The following GRIK2 variants were observed in gnomAD, a reference collection of about 807,000 sequenced individuals.
GRIK2 encodes the protein glutamate ionotropic receptor kainate type subunit 2.
Under a neutral mutation model 100.3 loss-of-function variants are expected in GRIK2, and 32 were observed. The ratio of observed to expected loss-of-function variants is 0.32; its 90% CI spans 0.24 to 0.43. GRIK2 has a LOEUF of 0.43. Among genes scored for constraint, GRIK2 ranks in the 20% least tolerant of loss-of-function variants. GRIK2 has a pLI of 1.00. For synonymous variants in GRIK2, 417 were observed against 389.4 expected (o/e 1.07, Z -0.83); for missense variants, 843 against 1,114.9 (o/e 0.76, Z 3.47).
rs560827685 is a variant in GRIK2 at position 101,787,477 on chromosome 6, G to A, written c.952-12171G>A. 7.2e-4 allele frequency among the ~76,000 whole-genome samples: 110 copies of A among 151,826 alleles called. 3 individuals carry two copies. The highest frequency in any genetic ancestry group is 5.6e-4 in the African/African-American group (23 of 41,440). On this transcript the variant is annotated intron_variant, in intron 7 of 16. Coordinates refer to ENST00000369134, the MANE Select transcript of GRIK2 (RefSeq NM_021956.5). ...TCTTAACACTGCTTTTCCTGTATCC[G>A]GTGTGTTTTGATGTGTTGTGTTTCC...
intron 2 of GRIK2, among the ~76,000 whole-genome samples, chr6:101,546,261 T>C (rs1421338564): frequency 6.6e-6 from 1 of 152,178 alleles, no homozygotes; most frequent in East Asian, 1.9e-4. Flanking sequence ...ATCTCAAAAA[T>C]GATTTCAGAA....
chr6:101,452,311 A>G (rs1004918007), intron 2 of GRIK2, among the ~76,000 whole-genome samples: 13 of 151,826 alleles, frequency 8.6e-5, no homozygotes, highest in Non-Finnish European at 1.6e-4. Context: ...ACACTTTAAG[A>G]ATAACTTACC....
chr6:101,875,666 G>GT lies in GRIK2; in HGVS notation c.1525-13968dup, dbSNP rs966924363. Among the ~76,000 whole-genome samples the GT allele has an allele frequency of 3.7e-4, 56 of 151,532 alleles. 1 individual carries two copies. The highest frequency in any genetic ancestry group is 1.5e-4 in the African/African-American group (6 of 41,292). ...TGAATGAGTTTTCTTTTGACTCATT[G>GT]TTTTTTCCCCTCCATTAATTGGAAG... On this transcript the variant is annotated intron_variant, in intron 11 of 16. Coordinates refer to ENST00000369134, the MANE Select transcript of GRIK2 (RefSeq NM_021956.5).
At chr6:101,466,456 T>C (rs1447616521) in intron 2 of GRIK2, among the ~76,000 whole-genome samples, 1 of 152,054 alleles carries the variant, frequency 6.6e-6, no homozygotes, top group East Asian at 1.9e-4. Context: ...GGAGATTCCT[T>C]GTAGCATATA....
intron 2 of GRIK2, among the ~76,000 whole-genome samples, chr6:101,532,790 T>C (rs1775508294): frequency 6.6e-6 from 1 of 151,284 alleles, no homozygotes; most frequent in South Asian, 2.1e-4. Flanking sequence ...ATATGGAAAA[T>C]TGGAAATAAA....
At position 101,686,469 on chromosome 6, in the gene GRIK2, A is replaced by G. The variant is rs890273577; in HGVS notation, c.951+116A>G. 1.4e-5 allele frequency: 10 copies of G among 700,556 alleles called. No individual in the cohort carries two copies. The South Asian group carries it at 2.3e-4, about 16-fold the overall frequency. The allele number at this position is 700,556 out of a possible 1,614,324, so 43.4% of individuals were successfully genotyped here. A position where few individuals can be genotyped will look rare whatever the true frequency, so the allele number is the denominator to read the frequency against. Reference sequence around the variant, plus strand: ...TTCAGTTTAATTGTTTGACATTAAAAGCAAAATATCAGAGCTACAATGCAA... The same window carrying G: ...TTCAGTTTAATTGTTTGACATTAAAGGCAAAATATCAGAGCTACAATGCAA... On this transcript the variant is annotated intron_variant, in intron 7 of 16. Coordinates refer to ENST00000369134, the MANE Select transcript of GRIK2 (RefSeq NM_021956.5).
intron 7 of GRIK2, among the ~76,000 whole-genome samples, chr6:101,743,828 C>T (rs9485537): frequency 0.15 from 22,597 of 151,994 alleles, 1,956 homozygotes; most frequent in South Asian, 0.22. Context: ...TTTTAAAAAA[C>T]GTTAATAGGT....
At chr6:101,453,154 C>T (rs1337124466) in intron 2 of GRIK2, among the ~76,000 whole-genome samples, 1 of 151,824 alleles carries the variant, frequency 6.6e-6, no homozygotes, top group African/African-American at 2.4e-5. Context: ...CTGTATCCTG[C>T]TATTAAGATC....
In GRIK2 at chr6:101,689,802, A is replaced by G. The variant is rs1697459860; in HGVS notation, c.951+3449A>G. Among the ~76,000 whole-genome samples the G allele has an allele frequency of 2.0e-5, 3 of 152,088 alleles. No individual in the cohort carries two copies. In the South Asian group the frequency reaches 6.2e-4, roughly 31 times the overall value. On this transcript the variant is annotated intron_variant, in intron 7 of 16. Transcript: ENST00000369134. Reference sequence around the variant, plus strand: ...ATCCAGTTAGTGCTCTGAACTTCCCAGACATAAACCCCTTATTGTAAAACT... The same window carrying G: ...ATCCAGTTAGTGCTCTGAACTTCCCGGACATAAACCCCTTATTGTAAAACT...
At chr6:101,748,244 T>C (rs992406404) in intron 7 of GRIK2, among the ~76,000 whole-genome samples, 22 of 152,178 alleles carry the variant, frequency 1.4e-4, no homozygotes, top group African/African-American at 4.8e-4. Flanking sequence ...TAGACTAAGA[T>C]GCATTCTCTG....
intron 4 of GRIK2, among the ~76,000 whole-genome samples, chr6:101,656,284 C>T (rs956181176): frequency 4.8e-5 from 6 of 123,888 alleles, no homozygotes; most frequent in Non-Finnish European, 8.3e-5. Flanking sequence ...GCCTGGGTAA[C>T]AAGAGAGAGA....
At position 101,773,340 on chromosome 6, in the gene GRIK2, C is replaced by T. The variant is rs1247544430; in HGVS notation, c.952-26308C>T. Among the ~76,000 whole-genome samples, 19 of 151,810 alleles carry T rather than the reference C, an allele frequency of 1.3e-4. 1 individual carries two copies. The highest frequency in any genetic ancestry group is 1.2e-3 in the Admixed American group (18 of 15,242). On this transcript the variant is annotated intron_variant, in intron 7 of 16. Coordinates refer to ENST00000369134, the MANE Select transcript of GRIK2 (RefSeq NM_021956.5). ...CTAAAAACACAAAAAATTAGCCAGG[C>T]AAGGTGGCACGCGCCTATAGTCTCA...
chr6:101,838,978 C>G (rs1017853028), intron 10 of GRIK2, among the ~76,000 whole-genome samples: 4 of 141,386 alleles, frequency 2.8e-5, no homozygotes, highest in African/African-American at 1.2e-4. Flanking sequence ...TAAAAATAGT[C>G]TGGAATATGC....
At chr6:101,742,868 C>T (rs1776132709) in intron 7 of GRIK2, among the ~76,000 whole-genome samples, 1 of 151,976 alleles carries the variant, frequency 6.6e-6, no homozygotes, top group South Asian at 2.1e-4. Flanking sequence ...CATGCTAGAC[C>T]CCCCACTTCC....
At chr6:101,415,124 A>T (rs1305989994) in intron 2 of GRIK2, among the ~76,000 whole-genome samples, 1 of 152,084 alleles carries the variant, frequency 6.6e-6, no homozygotes, top group African/African-American at 2.4e-5. Flanking sequence ...CACTGTTATC[A>T]TTTTGTTTCT....
At chr6:101,817,099 A>G (rs1045939648) in intron 9 of GRIK2, among the ~76,000 whole-genome samples, 1 of 152,218 alleles carries the variant, frequency 6.6e-6, no homozygotes, top group African/African-American at 2.4e-5. Flanking sequence ...GGACATTGTC[A>G]TAAGCATAGT....
intron 14 of GRIK2, among the ~76,000 whole-genome samples, chr6:102,003,476 A>G (rs577678508): frequency 1.6e-4 from 24 of 151,954 alleles, no homozygotes; most frequent in Middle Eastern, 3.4e-3. Flanking sequence ...ACATACTACA[A>G]TCATTTTAAA....
intron 12 of GRIK2, among the ~76,000 whole-genome samples, chr6:101,924,220 T>A (rs1307964609): frequency 6.6e-6 from 1 of 152,200 alleles, no homozygotes; most frequent in Non-Finnish European, 1.5e-5. Flanking sequence ...TTTAAAATAC[T>A]CTACGGTCTT....
At chr6:101,976,434 T>C (rs903829915) in intron 14 of GRIK2, among the ~76,000 whole-genome samples, 2 of 151,976 alleles carry the variant, frequency 1.3e-5, no homozygotes, top group African/African-American at 4.8e-5. Flanking sequence ...TGGTGGCTCA[T>C]GCCTGTAAAC....
Sources: allele counts gnomAD v4.1 joint callset (sites outside exome capture counted in the v4.1 genomes callset), GRCh38; gene constraint gnomAD v4.1.1; transcripts MANE v1.5; gene names NCBI Gene and HGNC (gene_info 2026-07-23, HGNC 2026-07-21).